CAMTA1: variants seen among roughly 807,000 people sequenced by gnomAD.
CAMTA1 encodes the protein calmodulin-binding transcription activator 1.
CAMTA1 carries 27 observed loss-of-function variants against 170.9 expected under a neutral mutation model. The ratio of observed to expected loss-of-function variants is 0.16; its 90% confidence interval spans 0.12 to 0.22. The LOEUF (loss-of-function observed/expected upper bound fraction) is 0.22. Ranked by LOEUF, CAMTA1 falls within the 10% of genes least tolerant of loss-of-function variation. CAMTA1 has a pLI of 1.00. For synonymous variants in CAMTA1, 833 were observed against 891.5 expected (o/e 0.93, Z 1.17); for missense variants, 1,619 against 2,217.2 (o/e 0.73, Z 5.42).
rs1342268580 is a variant in CAMTA1 at position 7,609,307 on chromosome 1, T to C, written c.511-31093T>C. ...GCTGCTGGGTCACCCCATCGGCTGT[T>C]CTGTCATCAGACATCATGTTTACCC... On this transcript the variant is annotated intron_variant, in intron 6 of 22. Transcript: ENST00000303635. This position sits in a 1 kb window ranked among gnomAD's most constrained non-coding sequence, Gnocchi z 4.4. Among the ~76,000 whole-genome samples, 1 of 152,212 alleles carries C rather than the reference T, an allele frequency of 6.6e-6. No homozygotes were observed. Among genetic ancestry groups the C allele is most frequent in the East Asian group, 1.9e-4 (1 of 5,186 alleles).
At position 7,623,967 on chromosome 1, in the gene CAMTA1, G is replaced by A. The variant is rs144278636; in HGVS notation, c.511-16433G>A. On this transcript the variant is annotated intron_variant, in intron 6 of 22. Transcript: ENST00000303635. ...TTTTTTCCAAGGGGACTCTATCCTCGACGCAAAATAGAACATTTTGAGTGA... is the reference window on the plus strand; with the variant it reads ...TTTTTTCCAAGGGGACTCTATCCTCAACGCAAAATAGAACATTTTGAGTGA... 3.0e-3 allele frequency among the ~76,000 whole-genome samples: 454 copies of A among 152,318 alleles called. 1 individual carries two copies. The highest frequency in any genetic ancestry group is 0.01 in the African/African-American group (416 of 41,576).
chr1:7,444,833 A>G (rs1575368138), intron 5 of CAMTA1, among the ~76,000 whole-genome samples: 1 of 152,252 alleles, frequency 6.6e-6, no homozygotes, highest in East Asian at 1.9e-4. Flanking sequence ...ACACAAAGAC[A>G]TACAGGTTCA....
intron 5 of CAMTA1, among the ~76,000 whole-genome samples, chr1:7,330,315 C>T (rs78581895): frequency 0.055 from 8,365 of 152,248 alleles, 363 homozygotes; most frequent in Non-Finnish European, 0.075. Flanking sequence ...TCGCAGGACC[C>T]GGATTCAGCC....
intron 11 of CAMTA1, among the ~76,000 whole-genome samples, chr1:7,724,548 A>G (rs1269061642): frequency 6.6e-6 from 1 of 152,176 alleles, no homozygotes; most frequent in Admixed American, 6.5e-5. Context: ...GATTGCATGT[A>G]TGGGCCGGGC....
intron 3 of CAMTA1, among the ~76,000 whole-genome samples, chr1:6,959,706 G>A (rs879868985): frequency 6.6e-6 from 1 of 152,204 alleles, no homozygotes; most frequent in Non-Finnish European, 1.5e-5. Context: ...CATCTCCATA[G>A]TCTGTGAGAC....
chr1:6,871,861 T>C, intron 3 of CAMTA1: 1 of 1,460,138 alleles, frequency 6.8e-7, no homozygotes, highest in Non-Finnish European at 9.0e-7. Flanking sequence ...CATTTTTTAA[T>C]TTAATTTCAT....
chr1:7,349,386 A>G (rs1253872006), intron 5 of CAMTA1, among the ~76,000 whole-genome samples: 1 of 152,130 alleles, frequency 6.6e-6, no homozygotes, highest in Non-Finnish European at 1.5e-5. Context: ...CTAAAGGGGA[A>G]ACTCACTCCC....
In CAMTA1 at chr1:7,642,623, C is replaced by T. The variant is rs927359939; in HGVS notation, c.664+2070C>T. 6.6e-6 allele frequency among the ~76,000 whole-genome samples: 1 copy of T among 152,162 alleles called. No individual in the cohort carries two copies. The highest frequency in any genetic ancestry group is 1.5e-5 in the Non-Finnish European group (1 of 68,004). On this transcript the variant is annotated intron_variant, in intron 7 of 22. Coordinates refer to ENST00000303635, the MANE Select transcript of CAMTA1 (RefSeq NM_015215.4). The surrounding 1 kb of genome is among the most constrained non-coding windows in gnomAD (Gnocchi z 6.3). Reference sequence around the variant, plus strand: ...TGCCGCAGAGCCTCAGCTGGGCCAGCGCTATGACTGCTGACCAGGAATGCT... The same window carrying T: ...TGCCGCAGAGCCTCAGCTGGGCCAGTGCTATGACTGCTGACCAGGAATGCT...
chr1:7,756,297 C>T (rs916521863), intron 22 of CAMTA1, among the ~76,000 whole-genome samples: 5 of 152,034 alleles, frequency 3.3e-5, no homozygotes, highest in South Asian at 4.2e-4. Flanking sequence ...AGCGAACTGG[C>T]CTTCCAGCAC....
At chr1:6,881,264 C>T (rs1273527622) in intron 3 of CAMTA1, among the ~76,000 whole-genome samples, 2 of 152,158 alleles carry the variant, frequency 1.3e-5, no homozygotes, top group Non-Finnish European at 2.9e-5. Flanking sequence ...AACAGTGCAG[C>T]AAGGTACACA....
intron 3 of CAMTA1, among the ~76,000 whole-genome samples, chr1:7,038,161 GTTA>G (rs1703915344): frequency 6.6e-6 from 1 of 152,052 alleles, no homozygotes. Flanking sequence ...GGGTGTTGCT[GTTA>G]TTATTATATA....
chr1:6,794,548 G>A (rs1267070500), intron 1 of CAMTA1, among the ~76,000 whole-genome samples: 1 of 152,270 alleles, frequency 6.6e-6, no homozygotes, highest in African/African-American at 2.4e-5. Context: ...CCATATGAAT[G>A]GTAAAGAAGA....
rs2149158156 is a variant in CAMTA1, at chr1:7,224,932, C to A, written c.303-24559C>A. Among the ~76,000 whole-genome samples the A allele has an allele frequency of 6.6e-6, 1 of 152,338 alleles. No individual in the cohort carries two copies. Among genetic ancestry groups the A allele is most frequent in the East Asian group, 1.9e-4 (1 of 5,184 alleles). On this transcript the variant is annotated intron_variant, in intron 4 of 22. Transcript: ENST00000303635. This position sits in a 1 kb window ranked among gnomAD's most constrained non-coding sequence, Gnocchi z 5.2. The stretch of plus-strand genomic sequence containing the variant: ...GCTGCATCCTTATTGCCGCAGCCAG[C>A]AGATGGCAGAAAGCGCCTTGACCCC...
intron 1 of CAMTA1, among the ~76,000 whole-genome samples, chr1:6,800,120 G>T (rs933345477): frequency 1.3e-5 from 2 of 151,894 alleles, no homozygotes; most frequent in Non-Finnish European, 2.9e-5. Context: ...TTTAAAAAAC[G>T]TAGGCCGGGT....
chr1:7,039,030 A>G (rs1224531430), intron 3 of CAMTA1, among the ~76,000 whole-genome samples: 2 of 152,152 alleles, frequency 1.3e-5, no homozygotes, highest in East Asian at 3.8e-4. Flanking sequence ...ACAGAGCAAG[A>G]CTCTGTCTCA....
At chr1:7,154,544 C>T (rs1156397731) in intron 4 of CAMTA1, among the ~76,000 whole-genome samples, 1 of 152,160 alleles carries the variant, frequency 6.6e-6, no homozygotes. Flanking sequence ...GAAATTGACT[C>T]ACACTAAGGC....
At chr1:7,025,139 T>C (rs1403651856) in intron 3 of CAMTA1, among the ~76,000 whole-genome samples, 2 of 152,256 alleles carry the variant, frequency 1.3e-5, no homozygotes, top group African/African-American at 4.8e-5. Context: ...GATGGTTTCA[T>C]TGCAGCTATG....
chr1:6,933,435 T>A (rs1378590143), intron 3 of CAMTA1, among the ~76,000 whole-genome samples: 1 of 152,182 alleles, frequency 6.6e-6, no homozygotes, highest in African/African-American at 2.4e-5. Flanking sequence ...AATTTTTGTA[T>A]TTCTAGTAGA....
At chr1:7,136,402 A>G (rs1026446948) in intron 4 of CAMTA1, among the ~76,000 whole-genome samples, 2 of 151,710 alleles carry the variant, frequency 1.3e-5, no homozygotes, top group African/African-American at 4.8e-5. Context: ...TCTTTTACTC[A>G]AGGGCATCAC....
Sources: allele counts gnomAD v4.1 joint callset (sites outside exome capture counted in the v4.1 genomes callset), GRCh38; gene constraint gnomAD v4.1.1; non-coding constraint Gnocchi (gnomAD v3.1); transcripts MANE v1.5; gene names NCBI Gene and HGNC (gene_info 2026-07-23, HGNC 2026-07-21).